The following OLA1 variants were observed in gnomAD, a reference collection of about 807,000 sequenced individuals.
The protein encoded by OLA1 is Obg like ATPase 1.
OLA1 carries 14 observed loss-of-function variants against 48.4 expected under a neutral mutation model. The observed-to-expected ratio is 0.29, with a 90% CI of 0.19 to 0.45. The LOEUF is 0.45. Ranked by LOEUF, OLA1 falls within the 20% of genes least tolerant of loss-of-function variation. OLA1 has a pLI of 1.00. For missense variants in OLA1, 325 were observed against 467.1 expected (o/e 0.70, Z 2.80); for synonymous variants, 127 against 150.4 (o/e 0.84, Z 1.14).
chr2:174,218,808 G>A (rs968634064), intron 4 of OLA1, among the ~76,000 whole-genome samples: 3 of 151,964 alleles, frequency 2.0e-5, no homozygotes, highest in African/African-American at 7.2e-5. Context: ...TAAGTAACAT[G>A]TATTGATTCT....
At chr2:174,154,974 C>T (rs953648279) in intron 4 of OLA1, among the ~76,000 whole-genome samples, 2 of 152,066 alleles carry the variant, frequency 1.3e-5, no homozygotes, top group Non-Finnish European at 2.9e-5. Flanking sequence ...CTTACTTCTG[C>T]CTTTCAAAAA....
chr2:174,179,551 A>G (rs948089924), intron 4 of OLA1, among the ~76,000 whole-genome samples: 2 of 152,000 alleles, frequency 1.3e-5, no homozygotes, highest in Non-Finnish European at 2.9e-5. Context: ...AAAAACAGAA[A>G]AAGACTCATG....
intron 4 of OLA1, among the ~76,000 whole-genome samples, chr2:174,201,853 A>G (rs930007585): frequency 2.6e-5 from 4 of 152,244 alleles, no homozygotes; most frequent in African/African-American, 9.6e-5. Flanking sequence ...ACCAACTATC[A>G]AGGGATATCA....
At chr2:174,144,948 AAAAATATATATAT>A (rs1273328526) in intron 4 of OLA1, among the ~76,000 whole-genome samples, 67 of 75,402 alleles carry the variant, frequency 8.9e-4, no homozygotes, top group African/African-American at 2.9e-3. Context: ...AAAAAAAAAA[AAAAATATATATAT>A]ATATATATAT....
At chr2:174,121,289 T>G (rs1471839013) in intron 7 of OLA1, among the ~76,000 whole-genome samples, 4 of 152,274 alleles carry the variant, frequency 2.6e-5, no homozygotes, top group Admixed American at 2.6e-4. Context: ...ACACAATATT[T>G]CCCACTCATA....
chr2:174,148,529 C>G (rs751754666), intron 4 of OLA1, among the ~76,000 whole-genome samples: 1 of 152,046 alleles, frequency 6.6e-6, no homozygotes, highest in Non-Finnish European at 1.5e-5. Flanking sequence ...AAAAATTAAC[C>G]ATAATAGGCT....
At chr2:174,201,504 A>G (rs1376593793) in intron 4 of OLA1, among the ~76,000 whole-genome samples, 2 of 152,072 alleles carry the variant, frequency 1.3e-5, no homozygotes, top group Non-Finnish European at 2.9e-5. Flanking sequence ...ACACGCCACC[A>G]TGCCCGGCTG....
intron 5 of OLA1, among the ~76,000 whole-genome samples, chr2:174,141,354 C>G (rs1322277288): frequency 1.3e-5 from 2 of 152,194 alleles, no homozygotes; most frequent in East Asian, 3.8e-4. Context: ...TGATAGAAAA[C>G]ACATTTGAAT....
At chr2:174,110,004 T>C (rs1329952353) in intron 7 of OLA1, among the ~76,000 whole-genome samples, 1 of 152,084 alleles carries the variant, frequency 6.6e-6, no homozygotes, top group Non-Finnish European at 1.5e-5. Context: ...TCCTTCTTTG[T>C]GTTCATAAGT....
chr2:174,130,141 C>T (rs563069158), intron 5 of OLA1, among the ~76,000 whole-genome samples: 1 of 152,308 alleles, frequency 6.6e-6, no homozygotes, highest in South Asian at 2.1e-4. Context: ...AAATAGACCT[C>T]CACTGTGTAT....
rs765220103 is a variant in OLA1, at chr2:174,225,341, AG to A, written c.246-2182del. Among the ~76,000 whole-genome samples the A allele has an allele frequency of 2.0e-5, 3 of 152,288 alleles. No individual in the cohort carries two copies. The East Asian group carries it at 5.8e-4, about 29-fold the overall frequency. On this transcript the variant is annotated intron_variant, in intron 3 of 10. Coordinates refer to ENST00000284719, the MANE Select transcript of OLA1 (RefSeq NM_013341.5). ...CAAGGTGGGTGGATCACCTAAGGTC[AG>A]GAGTTTGAGACCAGCCTGACCAACA...
chr2:174,238,363 G>A (rs1004134590), intron 2 of OLA1, among the ~76,000 whole-genome samples: 17 of 151,838 alleles, frequency 1.1e-4, no homozygotes, highest in African/African-American at 2.2e-4. Context: ...TGGTGGTGGC[G>A]CATGCCTATA....
chr2:174,210,601 C>A lies in OLA1; in HGVS notation c.373+12432G>T, dbSNP rs578079537. ...TAACTTTATATGTACTATAGAATGA[C>A]CCTCATTTTTTCTAAAACACAAGTT... is the stretch of plus-strand genomic sequence containing the variant. On this transcript the variant is annotated intron_variant, in intron 4 of 10. Coordinates refer to ENST00000284719, the MANE Select transcript of OLA1 (RefSeq NM_013341.5). 2.0e-5 allele frequency among the ~76,000 whole-genome samples: 3 copies of A among 152,042 alleles called. No individual in the cohort carries two copies. In the East Asian group the frequency reaches 5.8e-4, roughly 29 times the overall value.
chr2:174,208,442 C>T (rs548805959), intron 4 of OLA1, among the ~76,000 whole-genome samples: 1 of 152,182 alleles, frequency 6.6e-6, no homozygotes, highest in Non-Finnish European at 1.5e-5. Flanking sequence ...AGCTATACAA[C>T]ATACCACGTA....
intron 7 of OLA1, among the ~76,000 whole-genome samples, chr2:174,093,935 T>C (rs1007036005): frequency 6.6e-6 from 1 of 152,268 alleles, no homozygotes; most frequent in African/African-American, 2.4e-5. Flanking sequence ...AATCTTGATT[T>C]AACTACCACT....
intron 7 of OLA1, among the ~76,000 whole-genome samples, chr2:174,112,208 T>C (rs1685670266): frequency 6.6e-6 from 1 of 152,208 alleles, no homozygotes; most frequent in South Asian, 2.1e-4. Context: ...TGAGATACTA[T>C]GGCTTAGCAG....
At chr2:174,181,823 T>G (rs911175780) in intron 4 of OLA1, among the ~76,000 whole-genome samples, 13 of 152,196 alleles carry the variant, frequency 8.5e-5, no homozygotes, top group African/African-American at 3.1e-4. Flanking sequence ...CAACACTTAC[T>G]ATACTATGCT....
At chr2:174,206,577 G>A (rs1009422701) in intron 4 of OLA1, among the ~76,000 whole-genome samples, 2 of 150,956 alleles carry the variant, frequency 1.3e-5, no homozygotes, top group African/African-American at 2.4e-5. Flanking sequence ...AAATACAAAT[G>A]CCTCAATCAC....
chr2:174,232,550 AT>A (rs1322758219), intron 2 of OLA1, among the ~76,000 whole-genome samples: 1 of 152,172 alleles, frequency 6.6e-6, no homozygotes, highest in Non-Finnish European at 1.5e-5. Flanking sequence ...ACCTAGAGAA[AT>A]GTCTGTTCTC....
Sources: gnomAD v4.1 joint callset for allele counts (sites outside exome capture counted in the v4.1 genomes callset) on GRCh38, gnomAD v4.1.1 for gene constraint, MANE v1.5 for transcripts, NCBI Gene and HGNC (gene_info 2026-07-23, HGNC 2026-07-21) for gene names.